The following MAGI1 variants were observed in gnomAD, a reference collection of about 807,000 sequenced individuals.
MAGI1 encodes membrane associated guanylate kinase, WW and PDZ domain containing 1, also known as membrane-associated guanylate kinase, WW and PDZ domain-containing protein 1.
Under a neutral mutation model 139.9 loss-of-function variants are expected in MAGI1, and 58 were observed. The ratio of observed to expected loss-of-function variants is 0.41; its 90% confidence interval spans 0.34 to 0.52. The LOEUF (loss-of-function observed/expected upper bound fraction) is 0.52. Ranked by LOEUF, MAGI1 falls within the 20% of genes least tolerant of loss-of-function variation. The pLI, the probability that MAGI1 is intolerant of heterozygous loss-of-function variation, is 0.12. For synonymous variants in MAGI1, 812 were observed against 737.9 expected, an observed-to-expected ratio of 1.10 and a Z score of -1.63; for missense variants, 1,874 against 1,901.6, an observed-to-expected ratio of 0.99 and a Z score of 0.27.
At chr3:65,648,681 C>T (rs1009797273) in intron 1 of MAGI1, among the ~76,000 whole-genome samples, 1 of 152,118 alleles carries the variant, frequency 6.6e-6, no homozygotes, top group African/African-American at 2.4e-5. Context: ...ATCAAAATCC[C>T]ATGAATGTTT....
At position 65,857,245 on chromosome 3, in the gene MAGI1, TGA is replaced by T. The variant is rs892686548; in HGVS notation, c.313+180749_313+180750del. Among the ~76,000 whole-genome samples the T allele has an allele frequency of 2.6e-5, 4 of 152,226 alleles. No homozygotes were observed. In the East Asian group the frequency reaches 5.8e-4, roughly 22 times the overall value. On this transcript the variant is annotated intron_variant, in intron 1 of 22. Coordinates refer to ENST00000402939, the MANE Select transcript of MAGI1 (RefSeq NM_001033057.2). ...AGTAGTTTCCTGGAGAAAAGAAACA[TGA>T]GAGAGTACAGCACAAAAATCTAGTA...
At chr3:65,462,095 T>C (rs1381045442) in intron 5 of MAGI1, among the ~76,000 whole-genome samples, 1 of 152,192 alleles carries the variant, frequency 6.6e-6, no homozygotes, top group Non-Finnish European at 1.5e-5. Flanking sequence ...GATAGTTTCT[T>C]TTGCTGTGCA....
Position 65,530,793 on chromosome 3 carries a change from A to G in MAGI1, c.431-37162T>C, listed in dbSNP as rs1489818424. On this transcript the variant is annotated intron_variant, in intron 2 of 22. Transcript: ENST00000402939. ...TATATACACACATATATATACACGT[A>G]TATATATATATACACACATATATAT... Among the ~76,000 whole-genome samples, 3 of 50,196 alleles carry G rather than the reference A, an allele frequency of 6.0e-5. 1 individual carries two copies. The highest frequency in any genetic ancestry group is 6.9e-4 in the South Asian group (1 of 1,458). The allele number at this position is 50,196 out of a possible 152,430, so 32.9% of individuals were successfully genotyped here.
intron 1 of MAGI1, among the ~76,000 whole-genome samples, chr3:65,859,845 C>A (rs1020185378): frequency 2.0e-5 from 3 of 151,968 alleles, no homozygotes; most frequent in African/African-American, 7.2e-5. Flanking sequence ...TCTGCTTTAA[C>A]CCTTACCAAA....
intron 2 of MAGI1, among the ~76,000 whole-genome samples, chr3:65,540,794 C>G (rs1168327353): frequency 1.3e-5 from 2 of 152,146 alleles, no homozygotes; most frequent in Non-Finnish European, 2.9e-5. Flanking sequence ...GCCTCTCTCC[C>G]TTCTTCCACA....
At chr3:65,494,236 G>A (rs1177364695) in intron 2 of MAGI1, among the ~76,000 whole-genome samples, 1 of 152,168 alleles carries the variant, frequency 6.6e-6, no homozygotes, top group Non-Finnish European at 1.5e-5. Flanking sequence ...GGCCGTCCAT[G>A]AATTCTGACT....
chr3:65,967,975 G>T (rs995533580), intron 1 of MAGI1, among the ~76,000 whole-genome samples: 3 of 152,182 alleles, frequency 2.0e-5, no homozygotes, highest in Non-Finnish European at 2.9e-5. Context: ...AAAGGAGACA[G>T]GTTATGTCTT....
At chr3:65,467,520 T>C (rs1336009968) in intron 5 of MAGI1, among the ~76,000 whole-genome samples, 1 of 152,234 alleles carries the variant, frequency 6.6e-6, no homozygotes, top group Non-Finnish European at 1.5e-5. Flanking sequence ...ATAATTATCA[T>C]TAGCCACATT....
intron 1 of MAGI1, among the ~76,000 whole-genome samples, chr3:65,828,149 A>C (rs2042329919): frequency 6.6e-6 from 1 of 152,204 alleles, no homozygotes; most frequent in Non-Finnish European, 1.5e-5. Context: ...GGGAGGCTTG[A>C]GTCTGGAATG....
At chr3:65,378,892 G>A (rs1209061074) in intron 17 of MAGI1, among the ~76,000 whole-genome samples, 2 of 152,038 alleles carry the variant, frequency 1.3e-5, no homozygotes, top group African/African-American at 4.8e-5. Context: ...ACGTTGGCCA[G>A]GTTGGTCTCA....
chr3:65,410,389 C>T (rs1945700853), intron 12 of MAGI1, among the ~76,000 whole-genome samples: 1 of 152,160 alleles, frequency 6.6e-6, no homozygotes, highest in Non-Finnish European at 1.5e-5. Flanking sequence ...AGTAACATGG[C>T]CAATGTCACA....
chr3:65,926,627 T>C (rs570246108), intron 1 of MAGI1, among the ~76,000 whole-genome samples: 1 of 152,212 alleles, frequency 6.6e-6, no homozygotes, highest in South Asian at 2.1e-4. Flanking sequence ...GACCTCTGGT[T>C]GTCCTCACTG....
chr3:65,425,121 AAAAAAAAAAAAC>A (rs1196060578), intron 12 of MAGI1, among the ~76,000 whole-genome samples: 2 of 53,114 alleles, frequency 3.8e-5, no homozygotes, highest in African/African-American at 8.8e-5. Context: ...AAAAAAAAAA[AAAAAAAAAAAAC>A]AAAAAAAAAC....
chr3:65,625,311 T>C (rs1026284958), intron 1 of MAGI1, among the ~76,000 whole-genome samples: 6 of 152,194 alleles, frequency 3.9e-5, no homozygotes, highest in South Asian at 4.1e-4. Flanking sequence ...GTTTAAAATA[T>C]ATACAGTGAT....
At chr3:65,925,826 C>T (rs550383132) in intron 1 of MAGI1, among the ~76,000 whole-genome samples, 30 of 152,212 alleles carry the variant, frequency 2.0e-4, no homozygotes, top group Admixed American at 5.2e-4. Context: ...ACTACAGTCA[C>T]GAGCCACCAC....
At chr3:66,035,365 A>G (rs780818454) in intron 1 of MAGI1, among the ~76,000 whole-genome samples, 1 of 152,228 alleles carries the variant, frequency 6.6e-6, no homozygotes. Flanking sequence ...GATGCAAACA[A>G]CACAAAAGTA....
At chr3:65,658,265 T>C (rs1165851320) in intron 1 of MAGI1, among the ~76,000 whole-genome samples, 1 of 133,842 alleles carries the variant, frequency 7.5e-6, no homozygotes, top group Non-Finnish European at 1.7e-5. Flanking sequence ...GTTCTCTTTA[T>C]AAATATCACT....
intron 1 of MAGI1, among the ~76,000 whole-genome samples, chr3:65,880,427 T>A (rs187721814): frequency 8.0e-4 from 122 of 151,984 alleles, no homozygotes; most frequent in African/African-American, 2.7e-3. Context: ...ACATCTCATA[T>A]CCCCTGTCAG....
rs919730584 is a variant in MAGI1 at position 65,835,820 on chromosome 3, T to C, written c.313+202176A>G. On this transcript the variant is annotated intron_variant, in intron 1 of 22. Transcript: ENST00000402939. Reference sequence around the variant, plus strand: ...ATTTTAGCACCCTCTGCACCATATATAGACTCTCCCGCCCTGTGCTTGAAA... The same window carrying C: ...ATTTTAGCACCCTCTGCACCATATACAGACTCTCCCGCCCTGTGCTTGAAA... Among the ~76,000 whole-genome samples the C allele has an allele frequency of 4.6e-5, 7 of 152,314 alleles. No individual in the cohort carries two copies. The East Asian group carries it at 1.2e-3, about 25-fold the overall frequency.
Sources: gnomAD v4.1 joint callset for allele counts (sites outside exome capture counted in the v4.1 genomes callset) on GRCh38, gnomAD v4.1.1 for gene constraint, MANE v1.5 for transcripts, NCBI Gene and HGNC (gene_info 2026-07-23, HGNC 2026-07-21) for gene names.